ROBO2: variants seen among roughly 807,000 people sequenced by gnomAD.
ROBO2 encodes roundabout homolog 2.
A neutral mutation model predicts 160.8 loss-of-function variants in ROBO2; 53 were observed. The ratio of observed to expected loss-of-function variants is 0.33; its 90% CI spans 0.26 to 0.41. ROBO2 has a LOEUF of 0.41. Among genes scored for constraint, ROBO2 ranks in the 10% least tolerant of loss-of-function variants. The probability of loss-of-function intolerance (pLI) is 1.00; values close to 1 mark genes in which losing one functional copy is unlikely to be tolerated. For synonymous variants in ROBO2, 664 were observed against 611.7 expected, an observed-to-expected ratio of 1.09 and a Z score of -1.26; for missense variants, 1,577 against 1,722.4, an observed-to-expected ratio of 0.92 and a Z score of 1.49.
At chr3:76,724,468 C>A (rs545119537) in intron 2 of ROBO2, among the ~76,000 whole-genome samples, 9 of 152,322 alleles carry the variant, frequency 5.9e-5, no homozygotes, top group Admixed American at 5.9e-4. Context: ...TCCACCTACA[C>A]CATTTAATAC....
intron 2 of ROBO2, among the ~76,000 whole-genome samples, chr3:76,692,983 C>T (rs1443092605): frequency 6.7e-6 from 1 of 148,622 alleles, no homozygotes; most frequent in African/African-American, 2.5e-5. Context: ...TGTATATACA[C>T]ATATGTGTAT....
At chr3:77,021,207 A>G (rs2062611971) in intron 2 of ROBO2, among the ~76,000 whole-genome samples, 1 of 152,106 alleles carries the variant, frequency 6.6e-6, no homozygotes, top group Non-Finnish European at 1.5e-5. Context: ...TCCAAAAAAA[A>G]GAAAGAAAGA....
intron 2 of ROBO2, among the ~76,000 whole-genome samples, chr3:76,748,763 T>G (rs1488756580): frequency 6.6e-6 from 1 of 151,890 alleles, no homozygotes. Flanking sequence ...AAAGGACAAT[T>G]TAAAAGTATC....
chr3:76,499,661 C>T (rs17014282), intron 2 of ROBO2, among the ~76,000 whole-genome samples: 15,435 of 152,184 alleles, frequency 0.1, 1,053 homozygotes, highest in East Asian at 0.21. Context: ...GGTAACTATT[C>T]GACCAAACAC....
chr3:77,157,471 A>G (rs1052680598), intron 2 of ROBO2, among the ~76,000 whole-genome samples: 2 of 152,084 alleles, frequency 1.3e-5, no homozygotes, highest in African/African-American at 4.8e-5. Context: ...AAACTTATAA[A>G]AAGTTTATGC....
At chr3:76,097,846 G>C (rs936535636) in intron 2 of ROBO2, among the ~76,000 whole-genome samples, 3 of 152,192 alleles carry the variant, frequency 2.0e-5, no homozygotes, top group Admixed American at 6.5e-5. Context: ...GAATGAATAA[G>C]AGGTCAAGTT....
At chr3:77,564,353 C>T (rs2153663309) in intron 11 of ROBO2, 1 of 403,930 alleles carries the variant, frequency 2.5e-6, no homozygotes, top group Middle Eastern at 3.6e-4. Context: ...TTTCACCGTT[C>T]TGAGATGAGA....
intron 2 of ROBO2, among the ~76,000 whole-genome samples, chr3:76,917,152 A>C (rs1267529444): frequency 6.6e-6 from 1 of 152,200 alleles, no homozygotes; most frequent in Non-Finnish European, 1.5e-5. Context: ...GCTGCTTGGC[A>C]TCAGTGCAAT....
chr3:77,361,200 A>G (rs1233883281), intron 2 of ROBO2, among the ~76,000 whole-genome samples: 1 of 152,196 alleles, frequency 6.6e-6, no homozygotes, highest in Non-Finnish European at 1.5e-5. Context: ...CAGATAAACA[A>G]CAAATAGTTT....
At chr3:77,277,162 T>TTCTTTC (rs1163594346) in intron 2 of ROBO2, among the ~76,000 whole-genome samples, 8 of 65,716 alleles carry the variant, frequency 1.2e-4, no homozygotes, top group Admixed American at 1.8e-4. Flanking sequence ...CTTTCCTTCT[T>TTCTTTC]TCTTTCTTTC....
chr3:77,232,463 T>C (rs1309171176), intron 2 of ROBO2, among the ~76,000 whole-genome samples: 1 of 152,088 alleles, frequency 6.6e-6, no homozygotes, highest in African/African-American at 2.4e-5. Context: ...AATGGATTCT[T>C]TGATTTGTAG....
At chr3:76,980,530 T>A (rs1293863464) in intron 2 of ROBO2, among the ~76,000 whole-genome samples, 1 of 152,152 alleles carries the variant, frequency 6.6e-6, no homozygotes, top group Non-Finnish European at 1.5e-5. Flanking sequence ...TGGGATAACA[T>A]CAATAACAAA....
At chr3:76,618,309 G>T (rs2121786) in intron 2 of ROBO2, among the ~76,000 whole-genome samples, 2 of 151,118 alleles carry the variant, frequency 1.3e-5, no homozygotes, top group Non-Finnish European at 2.9e-5. Flanking sequence ...TACCATTACT[G>T]TTGATTATAA....
chr3:77,579,072 T>G (rs2093843504), intron 15 of ROBO2, among the ~76,000 whole-genome samples: 1 of 152,160 alleles, frequency 6.6e-6, no homozygotes, highest in African/African-American at 2.4e-5. Context: ...TTCTGGGAAC[T>G]TACCTGCTCC....
At chr3:77,519,770 A>T (rs1372910006) in intron 5 of ROBO2, among the ~76,000 whole-genome samples, 2 of 151,304 alleles carry the variant, frequency 1.3e-5, no homozygotes, top group East Asian at 3.9e-4. Context: ...TGGTAAAACG[A>T]TTTATTTTCT....
chr3:77,474,865 A>T (rs904850651), intron 2 of ROBO2, among the ~76,000 whole-genome samples: 1 of 152,218 alleles, frequency 6.6e-6, no homozygotes, highest in African/African-American at 2.4e-5. Context: ...TAGCACAAAA[A>T]TGGGAACTGA....
intron 5 of ROBO2, among the ~76,000 whole-genome samples, chr3:77,506,743 G>T (rs530515505): frequency 6.6e-6 from 1 of 152,068 alleles, no homozygotes; most frequent in Non-Finnish European, 1.5e-5. Context: ...AATCAATCTG[G>T]GCATTGCTCA....
At chr3:76,924,036 T>C (rs1041196735) in intron 2 of ROBO2, among the ~76,000 whole-genome samples, 4 of 152,234 alleles carry the variant, frequency 2.6e-5, no homozygotes, top group Admixed American at 6.5e-5. Flanking sequence ...TAATCACTTT[T>C]TTTCCACTTC....
chr3:77,587,049 CAA>C (rs2094069969), intron 16 of ROBO2, among the ~76,000 whole-genome samples: 1 of 151,900 alleles, frequency 6.6e-6, no homozygotes, highest in Non-Finnish European at 1.5e-5. Context: ...AAAAGATTAA[CAA>C]AATAAAATTT....
Sources: gnomAD v4.1 joint callset for allele counts (sites outside exome capture counted in the v4.1 genomes callset) on GRCh38, gnomAD v4.1.1 for gene constraint, MANE v1.5 for transcripts, NCBI Gene and HGNC (gene_info 2026-07-23, HGNC 2026-07-21) for gene names.